Variants in NLGN1 observed in about 807,000 individuals in gnomAD.
The protein encoded by NLGN1 is neuroligin-1.
NLGN1 carries 12 observed loss-of-function variants against 65.5 expected under a neutral mutation model. The ratio of observed to expected loss-of-function variants is 0.18; its 90% CI spans 0.12 to 0.30. The LOEUF (loss-of-function observed/expected upper bound fraction) is 0.30, where lower values mean the gene tolerates loss of function less well. Ranked by LOEUF, NLGN1 falls within the 10% of genes least tolerant of loss-of-function variation. NLGN1 has a pLI of 1.00. For synonymous variants in NLGN1, 350 were observed against 359.5 expected (o/e 0.97, Z 0.30); for missense variants, 750 against 1,007.1 (o/e 0.74, Z 3.46).
intron 4 of NLGN1, among the ~76,000 whole-genome samples, chr3:174,270,424 G>A (rs915485064): frequency 6.6e-6 from 1 of 151,490 alleles, no homozygotes; most frequent in Admixed American, 6.6e-5. Context: ...GCATAGTCTT[G>A]GCACCTTTGT....
chr3:173,589,863 A>C (rs28444879), intron 2 of NLGN1, among the ~76,000 whole-genome samples: 5,792 of 152,232 alleles, frequency 0.038, 381 homozygotes, highest in African/African-American at 0.13. Context: ...TTTGAAAATG[A>C]ATTGAAAATT....
At chr3:173,874,620 A>G (rs1423124548) in intron 4 of NLGN1, among the ~76,000 whole-genome samples, 1 of 152,212 alleles carries the variant, frequency 6.6e-6, no homozygotes, top group Non-Finnish European at 1.5e-5. Context: ...GAAGACAATG[A>G]AAATTTTCAA....
At chr3:173,986,420 G>T (rs2152403198) in intron 4 of NLGN1, among the ~76,000 whole-genome samples, 1 of 152,172 alleles carries the variant, frequency 6.6e-6, no homozygotes, top group Non-Finnish European at 1.5e-5. Context: ...AGTGAGCCGA[G>T]ATCGGGCCAC....
At chr3:173,901,402 T>G (rs73035446) in intron 4 of NLGN1, among the ~76,000 whole-genome samples, 9 of 151,406 alleles carry the variant, frequency 5.9e-5, no homozygotes, top group African/African-American at 2.2e-4. Context: ...AACAGTGGCT[T>G]GGCATTTCTC....
chr3:173,895,128 A>G (rs557516123), intron 4 of NLGN1, among the ~76,000 whole-genome samples: 1 of 152,204 alleles, frequency 6.6e-6, no homozygotes, highest in African/African-American at 2.4e-5. Context: ...TGTACTACTG[A>G]GGAGAGTCCC....
At chr3:174,015,715 G>A (rs908908467) in intron 4 of NLGN1, among the ~76,000 whole-genome samples, 2 of 152,072 alleles carry the variant, frequency 1.3e-5, no homozygotes, top group Non-Finnish European at 2.9e-5. Flanking sequence ...CAGAAGACAG[G>A]AGTGGTTAGA....
At chr3:173,475,853 A>T (rs535990479) in intron 2 of NLGN1, among the ~76,000 whole-genome samples, 2 of 152,318 alleles carry the variant, frequency 1.3e-5, no homozygotes, top group South Asian at 2.1e-4. Flanking sequence ...CAACTGCAAG[A>T]TGTTGTTCAA....
intron 4 of NLGN1, among the ~76,000 whole-genome samples, chr3:173,883,922 A>C (rs1560557050): frequency 6.6e-6 from 1 of 150,908 alleles, no homozygotes; most frequent in Admixed American, 6.6e-5. Flanking sequence ...ATTTCACATG[A>C]GAAATTGTCG....
rs556235011 is a variant in NLGN1 at position 173,459,905 on chromosome 3, T to C, written c.-321+24827T>C. ...TTTATAAAGCTGTTATCAGGGGTTG[T>C]TAGGAATTTTTGAGCTTTTATTTAA... On this transcript the variant is annotated intron_variant, in intron 2 of 6. Transcript: ENST00000457714. Among the ~76,000 whole-genome samples the C allele has an allele frequency of 7.0e-4, 106 of 152,120 alleles. 1 individual carries two copies. The highest frequency in any genetic ancestry group is 2.4e-3 in the African/African-American group (98 of 41,540).
At chr3:173,810,879 T>A (rs1197990965) in intron 4 of NLGN1, among the ~76,000 whole-genome samples, 2 of 152,160 alleles carry the variant, frequency 1.3e-5, no homozygotes, top group African/African-American at 4.8e-5. Context: ...TAACACAGAA[T>A]ATCACTCTTA....
chr3:173,424,179 T>TGCAGA (rs1715670967), intron 1 of NLGN1, among the ~76,000 whole-genome samples: 1 of 152,194 alleles, frequency 6.6e-6, no homozygotes, highest in Admixed American at 6.5e-5. Flanking sequence ...CACTAAGTTC[T>TGCAGA]GAAGCTGCAC....
rs115306692 is a variant in NLGN1 at position 173,940,417 on chromosome 3, G to T, written c.646+132585G>T. Among the ~76,000 whole-genome samples, 937 of 152,030 alleles carry T rather than the reference G, an allele frequency of 6.2e-3. 11 individuals are homozygous for T. The highest frequency in any genetic ancestry group is 0.022 in the African/African-American group (901 of 41,456). Reference sequence around the variant, plus strand: ...AATAGTTATATCTTGTAGGTTCCTGGTCTACAATATATACCTAGTTCTCAT... The same window carrying T: ...AATAGTTATATCTTGTAGGTTCCTGTTCTACAATATATACCTAGTTCTCAT... On this transcript the variant is annotated intron_variant, in intron 4 of 6. Transcript: ENST00000457714.
At chr3:173,669,855 G>T (rs866724607) in intron 3 of NLGN1, among the ~76,000 whole-genome samples, 3 of 152,148 alleles carry the variant, frequency 2.0e-5, no homozygotes, top group Non-Finnish European at 4.4e-5. Flanking sequence ...ATGTGGGATG[G>T]TGTATAGAAC....
chr3:174,229,205 G>C (rs1015614329), intron 4 of NLGN1, among the ~76,000 whole-genome samples: 1 of 152,016 alleles, frequency 6.6e-6, no homozygotes, highest in African/African-American at 2.4e-5. Flanking sequence ...CTTATAACAA[G>C]ATCAAGTATG....
intron 4 of NLGN1, among the ~76,000 whole-genome samples, chr3:173,987,460 G>T (rs551317722): frequency 3.9e-4 from 59 of 152,164 alleles, no homozygotes; most frequent in Non-Finnish European, 7.1e-4. Flanking sequence ...ACTTCTATTT[G>T]GCACTAATCT....
intron 4 of NLGN1, among the ~76,000 whole-genome samples, chr3:174,188,281 T>C (rs1373304867): frequency 6.6e-6 from 1 of 152,008 alleles, no homozygotes; most frequent in East Asian, 1.9e-4. Flanking sequence ...AAATGTGATA[T>C]GTTTGAATTT....
intron 3 of NLGN1, among the ~76,000 whole-genome samples, chr3:173,710,692 A>G (rs970457457): frequency 3.3e-5 from 5 of 152,164 alleles, no homozygotes; most frequent in Non-Finnish European, 7.4e-5. Context: ...GAAATTTTTC[A>G]TTAACTGAGA....
intron 4 of NLGN1, among the ~76,000 whole-genome samples, chr3:174,111,269 G>A (rs567741520): frequency 6.6e-6 from 1 of 151,998 alleles, no homozygotes; most frequent in East Asian, 1.9e-4. Flanking sequence ...GTGTGGCCCA[G>A]AAAGACCAGT....
intron 3 of NLGN1, among the ~76,000 whole-genome samples, chr3:173,735,929 A>G (rs974539151): frequency 6.6e-6 from 1 of 152,106 alleles, no homozygotes; most frequent in African/African-American, 2.4e-5. Context: ...AACATGTTAT[A>G]AAAATATATA....
Sources: gnomAD v4.1 joint callset for allele counts (sites outside exome capture counted in the v4.1 genomes callset) on GRCh38, gnomAD v4.1.1 for gene constraint, MANE v1.5 for transcripts, NCBI Gene and HGNC (gene_info 2026-07-23, HGNC 2026-07-21) for gene names.